The following RIMS1 variants were observed in gnomAD, a reference collection of about 807,000 sequenced individuals.
RIMS1 encodes regulating synaptic membrane exocytosis protein 1.
A neutral mutation model predicts 214.1 loss-of-function variants in RIMS1; 83 were observed. The observed-to-expected ratio is 0.39, with a 90% CI of 0.32 to 0.47. RIMS1 has a LOEUF of 0.47. Among genes scored for constraint, RIMS1 ranks in the 20% least tolerant of loss-of-function variants. The pLI is 0.99. For synonymous variants in RIMS1, 793 were observed against 786.8 expected (o/e 1.01, Z -0.13); for missense variants, 2,050 against 2,161.8 (o/e 0.95, Z 1.03).
At chr6:72,111,756 G>A (rs762691695) in intron 4 of RIMS1, among the ~76,000 whole-genome samples, 3 of 152,110 alleles carry the variant, frequency 2.0e-5, no homozygotes, top group Non-Finnish European at 4.4e-5. Context: ...AGGGTTTCTG[G>A]GAGAGGTCTC....
Position 72,128,114 on chromosome 6 carries a change from C to G in RIMS1, c.471+28128C>G, listed in dbSNP as rs1050480892. Among the ~76,000 whole-genome samples, 29 of 152,164 alleles carry G rather than the reference C, an allele frequency of 1.9e-4. 1 individual carries two copies. Among genetic ancestry groups the G allele is most frequent in the Admixed American group, 1.3e-4 (2 of 15,274 alleles). On this transcript the variant is annotated intron_variant, in intron 4 of 33. Coordinates refer to ENST00000521978, the MANE Select transcript of RIMS1 (RefSeq NM_014989.7). ...GAGCAAGGTGCCTGCTGAAGTTAGA[C>G]TACTCTTCCTCACAAACCTAGAGAG... is the stretch of plus-strand genomic sequence containing the variant.
intron 1 of RIMS1, among the ~76,000 whole-genome samples, chr6:71,893,135 G>A (rs1055342535): frequency 3.3e-5 from 5 of 152,140 alleles, no homozygotes; most frequent in African/African-American, 1.2e-4. Context: ...TTTTCCAGTA[G>A]TCTTTGAAGG....
chr6:72,144,946 G>T (rs117109327), intron 4 of RIMS1, among the ~76,000 whole-genome samples: 5 of 150,704 alleles, frequency 3.3e-5, no homozygotes, highest in African/African-American at 9.8e-5. Flanking sequence ...GTGCAGTGGC[G>T]TGATCTTGGC....
Position 72,182,694 on chromosome 6 carries a change from A to G in RIMS1, c.1223A>G (p.Lys408Arg), listed in dbSNP as rs1295946282. The change falls in exon 6 of 34, where the codon AAG (lysine) becomes AGG (arginine). Residue 408 changes from lysine to arginine, a missense_variant. Lys to Arg is a conservative substitution (Grantham distance 26). Transcript: ENST00000521978. ...GCGGGCGCGGCGCTGCCGGAGGGCA[A>G]GGCCGGCAAACGCGCGCCGGCGGCA... ...TEAGAALPEG[K>R]AGKRAPAAAR... 11 of 1,503,676 alleles carry G rather than the reference A, an allele frequency of 7.3e-6. No homozygotes were observed. Among genetic ancestry groups the G allele is most frequent in the Non-Finnish European group, 9.7e-6 (11 of 1,131,640 alleles). 93.1% of individuals were successfully genotyped at this position (1,503,676 alleles called of 1,614,324 possible).
chr6:72,351,806 A>G (rs1228071791), intron 29 of RIMS1, among the ~76,000 whole-genome samples: 4 of 152,218 alleles, frequency 2.6e-5, no homozygotes, highest in South Asian at 2.1e-4. Context: ...CCAGAAAAAT[A>G]TTTAATTTGG....
intron 2 of RIMS1, 72 bp downstream of exon 2, chr6:71,969,135 C>T (rs1795192784): frequency 1.5e-5 from 22 of 1,423,868 alleles, no homozygotes; most frequent in Non-Finnish European, 2.2e-5. Context: ...GATTTATTCA[C>T]ATTGCATGTG....
At chr6:72,216,804 G>A in intron 6 of RIMS1, 1 of 991,866 alleles carries the variant, frequency 1.0e-6, no homozygotes, top group Non-Finnish European at 1.2e-6. Context: ...CTGGCTTCAG[G>A]AAGGTAGCAG....
In RIMS1 at chr6:72,080,402, A is replaced by G. The variant is rs557474144; in HGVS notation, c.246-16547A>G. Among the ~76,000 whole-genome samples, 12 of 152,320 alleles carry G rather than the reference A, an allele frequency of 7.9e-5. No homozygotes were observed. In the South Asian group the frequency reaches 2.5e-3, roughly 32 times the overall value. ...ACTCCCCACCTCCACTATCAGAGCT[A>G]TGGTCCAGACTTCCATTGTCTGTAA... On this transcript the variant is annotated intron_variant, in intron 2 of 33. Transcript: ENST00000521978.
chr6:72,291,761 C>A (rs2093420983), intron 25 of RIMS1, among the ~76,000 whole-genome samples, 173 bp from the exon 26 acceptor site: 1 of 152,178 alleles, frequency 6.6e-6, no homozygotes, highest in Non-Finnish European at 1.5e-5. Flanking sequence ...TCTCATTTAA[C>A]CCCTTTTTGT....
intron 2 of RIMS1, among the ~76,000 whole-genome samples, chr6:72,081,549 T>G (rs1209018005): frequency 6.6e-6 from 1 of 152,182 alleles, no homozygotes; most frequent in Non-Finnish European, 1.5e-5. Context: ...ATGACACTTT[T>G]TTTTTAGTAT....
intron 29 of RIMS1, among the ~76,000 whole-genome samples, chr6:72,380,793 A>G (rs943146346): frequency 6.6e-6 from 1 of 152,042 alleles, no homozygotes; most frequent in Admixed American, 6.6e-5. Flanking sequence ...CGGCCTTCCA[A>G]AGTGCTGGGA....
intron 6 of RIMS1, among the ~76,000 whole-genome samples, chr6:72,183,871 T>C (rs951534953): frequency 1.3e-5 from 2 of 152,202 alleles, no homozygotes; most frequent in African/African-American, 4.8e-5. Context: ...ATGAATCTAT[T>C]ATAAAAAGTT....
intron 1 of RIMS1, among the ~76,000 whole-genome samples, chr6:71,958,788 G>C (rs1275632724): frequency 1.3e-5 from 2 of 152,106 alleles, no homozygotes; most frequent in African/African-American, 2.4e-5. Flanking sequence ...AGATGTCTTA[G>C]AGCATGTTCA....
Position 72,284,033 on chromosome 6 carries a change from A to T in RIMS1, c.3483-14A>T. The T allele has an allele frequency of 6.2e-7, 1 of 1,607,018 alleles. No individual in the cohort carries two copies. The highest frequency in any genetic ancestry group is 8.5e-7 in the Non-Finnish European group (1 of 1,174,232). ...ATTCATCATATATTTTGTGTTTAAC[A>T]TTTCATTCCACAGGCACTCCAGAAA... On this transcript the variant is annotated splice_polypyrimidine_tract_variant and intron_variant, in intron 23 of 33. Coordinates refer to ENST00000521978, the MANE Select transcript of RIMS1 (RefSeq NM_014989.7).
intron 1 of RIMS1, among the ~76,000 whole-genome samples, chr6:71,899,436 AT>A (rs1274759969): frequency 1.3e-5 from 2 of 151,698 alleles, no homozygotes; most frequent in Non-Finnish European, 2.9e-5. Flanking sequence ...TGAGGTGTGA[AT>A]GGCTACTCAC....
intron 6 of RIMS1, among the ~76,000 whole-genome samples, chr6:72,220,417 T>C (rs2058003405): frequency 6.6e-6 from 1 of 151,722 alleles, no homozygotes; most frequent in Non-Finnish European, 1.5e-5. Flanking sequence ...TTATGGACCA[T>C]GTAAAAGGAC....
At chr6:72,236,449 A>G (rs1057248155) in intron 8 of RIMS1, among the ~76,000 whole-genome samples, 1 of 152,144 alleles carries the variant, frequency 6.6e-6, no homozygotes, top group Non-Finnish European at 1.5e-5. Context: ...CTACACATAT[A>G]CAAAAGAGAT....
chr6:71,928,082 G>C (rs1419274641), intron 1 of RIMS1, among the ~76,000 whole-genome samples: 1 of 152,142 alleles, frequency 6.6e-6, no homozygotes, highest in African/African-American at 2.4e-5. Context: ...GTGTACGAAT[G>C]AAAAGACAAA....
intron 2 of RIMS1, among the ~76,000 whole-genome samples, chr6:72,088,455 TG>T: frequency 6.6e-6 from 1 of 152,128 alleles, no homozygotes; most frequent in Admixed American, 6.6e-5. Context: ...TTCACCATGT[TG>T]GCCCGGCTCC....
Sources: gnomAD v4.1 joint callset for allele counts (sites outside exome capture counted in the v4.1 genomes callset) on GRCh38, gnomAD v4.1.1 for gene constraint, MANE v1.5 for transcripts, NCBI Gene and HGNC (gene_info 2026-07-23, HGNC 2026-07-21) for gene names.